TRIP12: variants seen among roughly 807,000 people sequenced by gnomAD.
TRIP12 encodes the protein E3 ubiquitin-protein ligase TRIP12.
In TRIP12, 25 loss-of-function variants were observed where a neutral mutation model predicts 244.2. That is an observed-to-expected ratio of 0.10 (90% CI 0.07 to 0.14). The LOEUF (loss-of-function observed/expected upper bound fraction) is 0.14, where lower values mean the gene tolerates loss of function less well. Ranked by LOEUF, TRIP12 falls within the 10% of genes least tolerant of loss-of-function variation. TRIP12 has a pLI of 1.00. For missense variants in TRIP12, 1,677 were observed against 2,486.4 expected, an observed-to-expected ratio of 0.67 and a Z score of 6.92; for synonymous variants, 905 against 873.1, an observed-to-expected ratio of 1.04 and a Z score of -0.64.
intron 2 of TRIP12, 35 bp from the exon 3 acceptor site, chr2:229,860,566 GA>G: frequency 6.4e-7 from 1 of 1,563,800 alleles, no homozygotes; most frequent in Non-Finnish European, 8.7e-7. Context: ...AATCTATCAG[GA>G]AACTGAGATG....
chr2:229,886,525 G>A (rs562281422), intron 1 of TRIP12, among the ~76,000 whole-genome samples: 5 of 151,538 alleles, frequency 3.3e-5, no homozygotes, highest in East Asian at 1.9e-4. Context: ...GCAATGGCGC[G>A]ATCTCGGTTC....
chr2:229,904,559 C>A (rs1452602879), intron 1 of TRIP12, among the ~76,000 whole-genome samples: 1 of 151,264 alleles, frequency 6.6e-6, no homozygotes, highest in Non-Finnish European at 1.5e-5. Flanking sequence ...TAAGGAAAAG[C>A]AATATGATCT....
intron 34 of TRIP12, 32 bp downstream of exon 34, chr2:229,785,725 G>C: frequency 3.8e-6 from 6 of 1,586,048 alleles, no homozygotes; most frequent in Non-Finnish European, 5.2e-6. Flanking sequence ...CACAAGTCAA[G>C]CTAAATAACC....
intron 2 of TRIP12, among the ~76,000 whole-genome samples, chr2:229,874,336 G>C (rs2063220290): frequency 6.6e-6 from 1 of 152,130 alleles, no homozygotes; most frequent in Non-Finnish European, 1.5e-5. Context: ...TGAAGTATTA[G>C]AAGTATTAAA....
intron 21 of TRIP12, 50 bp from the exon 22 acceptor site, chr2:229,799,433 A>G (rs1324761850): frequency 6.6e-7 from 1 of 1,517,084 alleles, no homozygotes; most frequent in Non-Finnish European, 9.2e-7. Context: ...ACTGTTTTAT[A>G]TCTTCACTCA....
chr2:229,873,406 C>T (rs995112612), intron 2 of TRIP12, among the ~76,000 whole-genome samples: 3 of 152,118 alleles, frequency 2.0e-5, no homozygotes, highest in Admixed American at 2.0e-4. Context: ...TATCCAAAAA[C>T]TGAAAAAAGT....
intron 8 of TRIP12, among the ~76,000 whole-genome samples, chr2:229,825,075 A>T (rs1395687061): frequency 6.6e-6 from 1 of 152,256 alleles, no homozygotes; most frequent in African/African-American, 2.4e-5. Context: ...AGTAAAAAAT[A>T]TCCCAGGAAC....
chr2:229,831,009 G>T (rs1014228100), intron 6 of TRIP12, 170 bp from the exon 7 acceptor site: 29 of 680,550 alleles, frequency 4.3e-5, no homozygotes, highest in Non-Finnish European at 7.5e-5. Flanking sequence ...GTAGCTTTTA[G>T]GAATGAAAGG....
Position 229,796,595 on chromosome 2 carries a change from G to A in TRIP12, c.3812C>T (p.Ser1271Phe). 2 of 1,584,954 alleles carry A rather than the reference G, an allele frequency of 1.3e-6. No homozygotes were observed. The highest frequency in any genetic ancestry group is 1.7e-6 in the Non-Finnish European group (2 of 1,170,010). ...AGGCATTATTAGATAACTTACTGGA[G>A]AAGAAAAAAATACATGAAGAAATCG... ...LKRFLHVFFS[S>F]PLPGEEPIGR... Residue 1271 changes from serine to phenylalanine, a missense_variant, in exon 25 of 42, where the codon TCT (serine) becomes TTT (phenylalanine). Physicochemically the swap from Ser to Phe is radical, Grantham distance 155 (BLOSUM62 -2). Around this residue, in one of 11 missense-constraint regions of TRIP12, gnomAD observed 77 missense variants for 69.2 expected, o/e 1.11. Coordinates refer to ENST00000675903, the MANE Select transcript of TRIP12 (RefSeq NM_001348323.3).
At chr2:229,874,068 A>G (rs2063172161) in intron 2 of TRIP12, among the ~76,000 whole-genome samples, 1 of 152,050 alleles carries the variant, frequency 6.6e-6, no homozygotes, top group Non-Finnish European at 1.5e-5. Context: ...AACAGAAAAA[A>G]AATTTGTCCA....
intron 4 of TRIP12, among the ~76,000 whole-genome samples, chr2:229,843,630 G>A (rs1483856280): frequency 6.6e-6 from 1 of 152,196 alleles, no homozygotes; most frequent in African/African-American, 2.4e-5. Context: ...TGAAATCCCA[G>A]CAATTTGGGA....
At chr2:229,876,871 G>A (rs145151435) in intron 2 of TRIP12, among the ~76,000 whole-genome samples, 323 of 152,052 alleles carry the variant, frequency 2.1e-3, no homozygotes, top group Non-Finnish European at 3.5e-3. Context: ...CATGTGTCTT[G>A]TGATGACACA....
chr2:229,819,027 G>C (rs1301244255), intron 8 of TRIP12, among the ~76,000 whole-genome samples: 1 of 139,598 alleles, frequency 7.2e-6, no homozygotes, highest in Non-Finnish European at 1.5e-5. Flanking sequence ...AGAATATTCT[G>C]TAAAAATAAA....
At chr2:229,922,368 T>G (rs969535439), upstream of TRIP12, 3 of 760,884 alleles carry the variant, frequency 3.9e-6, no homozygotes, top group African/African-American at 3.5e-5. Flanking sequence ...CCTAAGACCC[T>G]TGGAAGAGGG....
chr2:229,922,214 C>T (rs1397303581), upstream of TRIP12: 1 of 289,488 alleles, frequency 3.5e-6, no homozygotes, highest in Non-Finnish European at 6.6e-6. Flanking sequence ...CCGCCCGATC[C>T]CTTCGAGGGA....
At chr2:229,781,870 A>G (rs1379598467) in intron 34 of TRIP12, among the ~76,000 whole-genome samples, 1 of 152,164 alleles carries the variant, frequency 6.6e-6, no homozygotes, top group African/African-American at 2.4e-5. Flanking sequence ...CCAGTGAAGC[A>G]GCTCCTGGAA....
intron 1 of TRIP12, among the ~76,000 whole-genome samples, chr2:229,882,409 T>C (rs1313427356): frequency 1.3e-5 from 2 of 152,152 alleles, no homozygotes; most frequent in Non-Finnish European, 1.5e-5. Flanking sequence ...CTGGGAAGCT[T>C]TGTCAAAATA....
At chr2:229,864,004 A>AAGAGAGAGAG (rs1163408528) in intron 2 of TRIP12, among the ~76,000 whole-genome samples, 1,365 of 79,682 alleles carry the variant, frequency 0.017, 23 homozygotes, top group Non-Finnish European at 0.023. Flanking sequence ...ATTTGGGTGA[A>AAGAGAGAGAG]AGAGAGAGAG....
chr2:229,849,171 A>G (rs1381451195), intron 4 of TRIP12, among the ~76,000 whole-genome samples: 2 of 152,252 alleles, frequency 1.3e-5, no homozygotes, highest in African/African-American at 4.8e-5. Flanking sequence ...AGGAATGTGG[A>G]GTTTGAGTAA....
Sources: allele counts gnomAD v4.1 joint callset (sites outside exome capture counted in the v4.1 genomes callset), GRCh38; gene constraint gnomAD v4.1.1; regional missense constraint gnomAD v4.1.1; transcripts MANE v1.5; gene names NCBI Gene and HGNC (gene_info 2026-07-23, HGNC 2026-07-21).